The following ABCB11 variants were observed in gnomAD, a reference collection of about 807,000 sequenced individuals.
ABCB11 encodes the protein bile salt export pump.
In ABCB11, 95 loss-of-function variants were observed where a neutral mutation model predicts 148.0. That is an observed-to-expected ratio of 0.64 (90% CI 0.54 to 0.76). The LOEUF is 0.76. Among genes scored for constraint, ABCB11 ranks in the 30% least tolerant of loss-of-function variants. The pLI is 0.00. For synonymous variants in ABCB11, 591 were observed against 555.4 expected (o/e 1.06, Z -0.90); for missense variants, 1,523 against 1,617.8 (o/e 0.94, Z 1.01).
In ABCB11 at chr2:168,964,786, A is replaced by G. The variant is rs965840863; in HGVS notation, c.2076-478T>C. On this transcript the variant is annotated intron_variant, in intron 17 of 27. Coordinates refer to ENST00000650372, the MANE Select transcript of ABCB11 (RefSeq NM_003742.4). ...ATGAGGAAATAGGGCCTCTGATGAG[A>G]TTTTCTCCAGGCTATATACTACCCT... Among the ~76,000 whole-genome samples, 6 of 151,866 alleles carry G rather than the reference A, an allele frequency of 4.0e-5. No individual in the cohort carries two copies. The East Asian group carries it at 1.2e-3, about 30-fold the overall frequency.
chr2:169,003,506 G>T (rs184998176), intron 5 of ABCB11, among the ~76,000 whole-genome samples: 1 of 151,682 alleles, frequency 6.6e-6, no homozygotes, highest in South Asian at 2.1e-4. Flanking sequence ...CCTTTGGGCT[G>T]GTTCCATATT....
chr2:169,027,970 A>T (rs1242262636), intron 1 of ABCB11, among the ~76,000 whole-genome samples: 1 of 152,154 alleles, frequency 6.6e-6, no homozygotes, highest in African/African-American at 2.4e-5. Flanking sequence ...GGGCTGAAAG[A>T]TACCATTACC....
intron 5 of ABCB11, among the ~76,000 whole-genome samples, chr2:168,998,006 T>C (rs1694766339): frequency 6.6e-6 from 1 of 152,014 alleles, no homozygotes; most frequent in Admixed American, 6.6e-5. Context: ...TAAGGTCTCT[T>C]GTGCTCACCA....
At chr2:169,013,945 C>T (rs1695274678) in intron 4 of ABCB11, among the ~76,000 whole-genome samples, 1 of 152,096 alleles carries the variant, frequency 6.6e-6, no homozygotes, top group African/African-American at 2.4e-5. Context: ...GAAATGCCTC[C>T]ATCCTGAGAA....
At chr2:169,007,869 G>A (rs1225913169) in intron 5 of ABCB11, among the ~76,000 whole-genome samples, 1 of 152,122 alleles carries the variant, frequency 6.6e-6, no homozygotes, top group South Asian at 2.1e-4. Context: ...GAAATTGCTT[G>A]CAAATTGTAT....
chr2:168,938,739 T>A (rs1315018706), intron 21 of ABCB11, among the ~76,000 whole-genome samples: 1 of 152,188 alleles, frequency 6.6e-6, no homozygotes, highest in Non-Finnish European at 1.5e-5. Flanking sequence ...TGGCAAGGAC[T>A]GTCAGGCATT....
intron 5 of ABCB11, among the ~76,000 whole-genome samples, chr2:169,013,040 AT>A (rs1267053072): frequency 6.6e-6 from 1 of 152,144 alleles, no homozygotes; most frequent in African/African-American, 2.4e-5. Flanking sequence ...CATTTTGGCA[AT>A]GTATTTGGTG....
rs1693510228 is a variant in ABCB11 at position 168,970,104 on chromosome 2, T to C, written c.1750A>G (p.Met584Val). 6.2e-6 allele frequency: 10 copies of C among 1,612,892 alleles called. No individual in the cohort carries two copies. The highest frequency in any genetic ancestry group is 7.6e-6 in the Non-Finnish European group (9 of 1,179,300). Residue 584 changes from methionine (M) to valine (V), a missense_variant, in exon 15 of 28, where the codon ATG becomes GTG. Transcript: ENST00000650372. Reference sequence around the variant, plus strand: ...TCATTGTCCAGAGCTGAGGTGGCCATGTCCAAAAGCAGAATCTTGGGATTT... The same window carrying C: ...TCATTGTCCAGAGCTGAGGTGGCCACGTCCAAAAGCAGAATCTTGGGATTT... ...IRNPKILLLD[M>V]ATSALDNESE...
chr2:168,970,737 T>C (rs1215297012), intron 14 of ABCB11: 7 of 226,150 alleles, frequency 3.1e-5, no homozygotes, highest in South Asian at 3.0e-4. Flanking sequence ...CAGACACTTA[T>C]CTTGCTTATT....
intron 27 of ABCB11, 58 bp from the exon 28 acceptor site, chr2:168,923,880 A>G: frequency 6.5e-7 from 1 of 1,541,646 alleles, no homozygotes; most frequent in South Asian, 1.1e-5. Context: ...CCAGCCCACC[A>G]TCATGAGAGT....
downstream of ABCB11, among the ~76,000 whole-genome samples, chr2:168,916,556 T>C (rs566466820): frequency 6.6e-6 from 1 of 152,372 alleles, no homozygotes; most frequent in East Asian, 1.9e-4. Flanking sequence ...ATCATGTGCA[T>C]TGCTTTATTT....
chr2:168,974,706 A>C lies in ABCB11; in HGVS notation c.1309-866T>G, dbSNP rs550275485. Among the ~76,000 whole-genome samples, 476 of 152,066 alleles carry C rather than the reference A, an allele frequency of 3.1e-3. 1 individual carries two copies. The highest frequency in any genetic ancestry group is 5.6e-3 in the Non-Finnish European group (379 of 67,950). On this transcript the variant is annotated intron_variant, in intron 12 of 27. Coordinates refer to ENST00000650372, the MANE Select transcript of ABCB11 (RefSeq NM_003742.4). ...ATAAATACATATAGGTTTAAGTAAGAAGATTTTATTTCACTATTAAAAGTA... is the reference window on the plus strand; with the variant it reads ...ATAAATACATATAGGTTTAAGTAAGCAGATTTTATTTCACTATTAAAAGTA...
At chr2:168,938,244 C>T (rs1286109518) in intron 21 of ABCB11, among the ~76,000 whole-genome samples, 2 of 152,108 alleles carry the variant, frequency 1.3e-5, no homozygotes, top group African/African-American at 4.8e-5. Context: ...TGTACACCCA[C>T]GTTCAGAGCA....
chr2:168,979,369 C>T (rs1259436323), intron 11 of ABCB11, among the ~76,000 whole-genome samples: 2 of 152,112 alleles, frequency 1.3e-5, no homozygotes, highest in African/African-American at 2.4e-5. Flanking sequence ...CTCAGAGATA[C>T]TGCCACCACC....
chr2:168,958,248 G>A, intron 18 of ABCB11, 120 bp from the exon 19 acceptor site: 1 of 881,884 alleles, frequency 1.1e-6, no homozygotes, highest in Non-Finnish European at 1.8e-6. Context: ...GACCTCAAAT[G>A]TCTATGGGAT....
chr2:168,939,677 T>C (rs2544360), intron 21 of ABCB11, among the ~76,000 whole-genome samples: 90,041 of 151,832 alleles, frequency 0.59, 26,918 homozygotes, highest in South Asian at 0.7. Context: ...TGAGTATAAA[T>C]ATAAAAAAAG....
In ABCB11 at chr2:168,961,486, A is replaced by T. The variant is rs889081821; in HGVS notation, c.2178+2720T>A. 4.6e-5 allele frequency among the ~76,000 whole-genome samples: 7 copies of T among 151,828 alleles called. No homozygotes were observed. In the East Asian group the frequency reaches 1.4e-3, roughly 30 times the overall value. On this transcript the variant is annotated intron_variant, in intron 18 of 27. Transcript: ENST00000650372. Reference sequence around the variant, plus strand: ...AACCAATGCCTAAATCCTATCACATAAGTTATCTGTGATGCAGTTATGGGT... The same window carrying T: ...AACCAATGCCTAAATCCTATCACATTAGTTATCTGTGATGCAGTTATGGGT...
In ABCB11 at chr2:168,921,716, A is replaced by G. The variant is rs1691078745; in HGVS notation, c.*1906T>C. 6.6e-6 allele frequency among the ~76,000 whole-genome samples: 1 copy of G among 151,976 alleles called. No individual in the cohort carries two copies. Among genetic ancestry groups the G allele is most frequent in the South Asian group, 2.1e-4 (1 of 4,812 alleles). On this transcript the variant is annotated 3_prime_UTR_variant, in exon 28 of 28. Coordinates refer to ENST00000650372, the MANE Select transcript of ABCB11 (RefSeq NM_003742.4). ...GTCCTTGGAAGTCAATTCCCATGCA[A>G]GGAGGAGACACCAAAAAGCCTGGGG...
intron 1 of ABCB11, among the ~76,000 whole-genome samples, chr2:169,027,712 C>G (rs1249351619): frequency 2.0e-5 from 3 of 152,030 alleles, no homozygotes; most frequent in Admixed American, 2.0e-4. Context: ...ATACAGGGTT[C>G]TACAAGCCAT....
Sources: allele counts gnomAD v4.1 joint callset (sites outside exome capture counted in the v4.1 genomes callset), GRCh38; gene constraint gnomAD v4.1.1; transcripts MANE v1.5; gene names NCBI Gene and HGNC (gene_info 2026-07-23, HGNC 2026-07-21).